The following PALM2AKAP2 variants were observed in gnomAD, a reference collection of about 807,000 sequenced individuals.
PALM2AKAP2 encodes the protein PALM2-AKAP2 fusion protein.
A neutral mutation model predicts 71.5 loss-of-function variants in PALM2AKAP2; 37 were observed. The ratio of observed to expected loss-of-function variants is 0.52; its 90% CI spans 0.40 to 0.68. PALM2AKAP2 has a LOEUF of 0.68. Among genes scored for constraint, PALM2AKAP2 ranks in the 30% least tolerant of loss-of-function variants. The pLI is 0.00. For missense variants in PALM2AKAP2, 1,224 were observed against 1,191.8 expected, an observed-to-expected ratio of 1.03 and a Z score of -0.40; for synonymous variants, 468 against 478.8, an observed-to-expected ratio of 0.98 and a Z score of 0.29.
rs34719180 is a variant in PALM2AKAP2, at chr9:109,953,834, C to CAA, written c.496+21826_496+21827dup. Among the ~76,000 whole-genome samples the CAA allele has an allele frequency of 5.8e-3, 282 of 48,374 alleles. 4 individuals carry two copies. The highest frequency in any genetic ancestry group is 0.014 in the African/African-American group (189 of 13,388). 31.7% of individuals were successfully genotyped at this position (48,374 alleles called of 152,430 possible). On this transcript the variant is annotated intron_variant, in intron 6 of 9. Transcript: ENST00000302798. The stretch of plus-strand genomic sequence containing the variant: ...TGGGTGATATAGCAAGACTCCATCT[C>CAA]AAAAAAAAAAAAAAAAAAAAAGAAA...
At chr9:110,069,245 C>G (rs1353818098) in intron 1 of PALM2AKAP2, among the ~76,000 whole-genome samples, 3 of 152,214 alleles carry the variant, frequency 2.0e-5, no homozygotes, top group Non-Finnish European at 4.4e-5. Context: ...AGTTCAGTAA[C>G]AAGTCCGACA....
chr9:110,107,691 C>T (rs1176293357), intron 1 of PALM2AKAP2, among the ~76,000 whole-genome samples: 3 of 151,980 alleles, frequency 2.0e-5, no homozygotes, highest in Non-Finnish European at 4.4e-5. Flanking sequence ...CTCAGCCTCC[C>T]GAGTAGCTGG....
chr9:109,943,202 C>A, intron 6 of PALM2AKAP2: 1 of 1,614,160 alleles, frequency 6.2e-7, no homozygotes, highest in Non-Finnish European at 8.5e-7. Flanking sequence ...ACCATCAAGG[C>A]TGAATTGGTC....
At chr9:109,642,796 C>G (rs1827089443) in intron 1 of PALM2AKAP2, among the ~76,000 whole-genome samples, 1 of 151,676 alleles carries the variant, frequency 6.6e-6, no homozygotes, top group Admixed American at 6.6e-5. Flanking sequence ...AAGCAATCCT[C>G]CTGCCCCGGT....
chr9:110,100,056 TATATATATA>T lies in PALM2AKAP2; in HGVS notation c.157-36070_157-36062del, dbSNP rs1209580111. Among the ~76,000 whole-genome samples, 499 of 116,824 alleles carry T rather than the reference TATATATATA, an allele frequency of 4.3e-3. 9 individuals carry two copies. The highest frequency in any genetic ancestry group is 0.024 in the African/African-American group (470 of 19,980). The allele number at this position is 116,824 out of a possible 152,430, so 76.6% of individuals were successfully genotyped here. A position where few individuals can be genotyped will look rare whatever the true frequency, so the allele number is the denominator to read the frequency against. On this transcript the variant is annotated intron_variant, in intron 1 of 3. Coordinates refer to ENST00000374525, the Ensembl canonical transcript of PALM2AKAP2. ...ATATGCATATGTATGTGTGTCTATA[TATATATATA>T]TATATATATATATATAGAAACATAA... is the stretch of plus-strand genomic sequence containing the variant.
intron 1 of PALM2AKAP2, among the ~76,000 whole-genome samples, chr9:109,865,602 CA>C (rs781569942): frequency 1.3e-5 from 2 of 152,146 alleles, no homozygotes; most frequent in Non-Finnish European, 2.9e-5. Context: ...TCTGATGGAA[CA>C]AAGTCACAGC....
chr9:110,006,908 A>C (rs950647785), intron 6 of PALM2AKAP2, among the ~76,000 whole-genome samples: 1 of 151,986 alleles, frequency 6.6e-6, no homozygotes, highest in African/African-American at 2.4e-5. Context: ...ACCTTCCTCA[A>C]CCCAGGGTTT....
chr9:109,683,618 C>T (rs921745234), intron 1 of PALM2AKAP2, among the ~76,000 whole-genome samples: 1 of 152,310 alleles, frequency 6.6e-6, no homozygotes, highest in East Asian at 1.9e-4. Flanking sequence ...TGATTAGTTA[C>T]AGCAGCCCTA....
intron 1 of PALM2AKAP2, among the ~76,000 whole-genome samples, chr9:110,135,188 T>TATATATAA (rs1484544851): frequency 7.5e-5 from 7 of 93,534 alleles, no homozygotes; most frequent in African/African-American, 3.1e-4. Context: ...TATATATATA[T>TATATATAA]AAATCAGCCA....
At chr9:109,888,554 C>CA (rs1291680256) in intron 3 of PALM2AKAP2, among the ~76,000 whole-genome samples, 2 of 151,774 alleles carry the variant, frequency 1.3e-5, no homozygotes, top group Admixed American at 6.6e-5. Context: ...ACTAAAAATA[C>CA]AAAAAATTAG....
intron 5 of PALM2AKAP2, among the ~76,000 whole-genome samples, chr9:109,930,328 C>T (rs1046130561): frequency 7.2e-5 from 11 of 152,120 alleles, no homozygotes; most frequent in South Asian, 2.1e-4. Flanking sequence ...TGGGTTCAAG[C>T]GATCCTCCTG....
At chr9:109,893,843 C>T (rs1830140689) in intron 3 of PALM2AKAP2, among the ~76,000 whole-genome samples, 1 of 152,058 alleles carries the variant, frequency 6.6e-6, no homozygotes, top group Non-Finnish European at 1.5e-5. Flanking sequence ...GAGGGGGCTG[C>T]GGGGAGAGAG....
intron 1 of PALM2AKAP2, among the ~76,000 whole-genome samples, chr9:110,051,965 C>A (rs113223568): frequency 6.6e-6 from 1 of 151,202 alleles, no homozygotes; most frequent in Non-Finnish European, 1.5e-5. Flanking sequence ...TGCAGTGGCG[C>A]GATCTCGGCT....
intron 1 of PALM2AKAP2, among the ~76,000 whole-genome samples, chr9:109,829,239 C>T (rs576104732): frequency 9.2e-5 from 14 of 152,334 alleles, no homozygotes; most frequent in African/African-American, 3.1e-4. Flanking sequence ...GAAACACATA[C>T]CCTGTGTAAT....
intron 1 of PALM2AKAP2, among the ~76,000 whole-genome samples, chr9:109,713,392 T>C (rs1828269446): frequency 1.3e-5 from 2 of 152,186 alleles, no homozygotes; most frequent in South Asian, 4.1e-4. Context: ...TATTTTTAGA[T>C]AGCACATGCA....
intron 3 of PALM2AKAP2, among the ~76,000 whole-genome samples, chr9:109,888,460 G>A (rs954894510): frequency 8.3e-4 from 127 of 152,236 alleles, no homozygotes; most frequent in African/African-American, 2.9e-3. Flanking sequence ...TGTAATCCCA[G>A]CACTTTGGGA....
At chr9:109,691,833 G>GATATATATATATATAT (rs1185965530) in intron 1 of PALM2AKAP2, among the ~76,000 whole-genome samples, 4 of 36,042 alleles carry the variant, frequency 1.1e-4, no homozygotes, top group South Asian at 9.1e-4. Flanking sequence ...CCAGAAAGAC[G>GATATATATATATATAT]ATATATATAT....
intron 1 of PALM2AKAP2, among the ~76,000 whole-genome samples, chr9:109,708,357 G>A (rs2118600668): frequency 6.6e-6 from 1 of 152,180 alleles, no homozygotes; most frequent in Non-Finnish European, 1.5e-5. Flanking sequence ...TAATCTGGAG[G>A]CTGACTAAAG....
Position 110,034,700 on chromosome 9 carries a change from G to A in PALM2AKAP2, c.582+18661G>A, listed in dbSNP as rs1588069626. Among the ~76,000 whole-genome samples the A allele has an allele frequency of 2.0e-5, 3 of 149,166 alleles. No individual in the cohort carries two copies. The South Asian group carries it at 6.3e-4, about 31-fold the overall frequency. On this transcript the variant is annotated intron_variant, in intron 7 of 9. Transcript: ENST00000302798. Reference sequence around the variant, plus strand: ...GCTCACTGCAACCTCTGCTTCCCAGGCTCAAGCGATTCTCCTGCCTCAGCC... The same window carrying A: ...GCTCACTGCAACCTCTGCTTCCCAGACTCAAGCGATTCTCCTGCCTCAGCC...
Sources: gnomAD v4.1 joint callset for allele counts (sites outside exome capture counted in the v4.1 genomes callset) on GRCh38, gnomAD v4.1.1 for gene constraint, MANE v1.5 for transcripts, NCBI Gene and HGNC (gene_info 2026-07-23, HGNC 2026-07-21) for gene names.